Variants in NRCAM observed in about 807,000 individuals in gnomAD.
NRCAM encodes the protein neuronal cell adhesion molecule.
Under a neutral mutation model 156.5 loss-of-function variants are expected in NRCAM, and 83 were observed. That is an observed-to-expected ratio of 0.53 (90% confidence interval 0.44 to 0.64). The LOEUF (loss-of-function observed/expected upper bound fraction) is 0.64, where lower values mean the gene tolerates loss of function less well. Among genes scored for constraint, NRCAM ranks in the 30% least tolerant of loss-of-function variants. NRCAM has a pLI of 0.00. For missense variants in NRCAM, 1,417 were observed against 1,597.3 expected (o/e 0.89, Z 1.92); for synonymous variants, 538 against 563.9 (o/e 0.95, Z 0.65).
At chr7:108,335,722 TA>T (rs1278801490) in intron 2 of NRCAM, among the ~76,000 whole-genome samples, 3 of 152,186 alleles carry the variant, frequency 2.0e-5, no homozygotes, top group African/African-American at 7.2e-5. Context: ...ACAGAAATCT[TA>T]CTGTTGCTAT....
chr7:108,308,290 T>C (rs2098748573), intron 3 of NRCAM, among the ~76,000 whole-genome samples: 1 of 152,222 alleles, frequency 6.6e-6, no homozygotes, highest in Admixed American at 6.5e-5. Context: ...GTCACGAATC[T>C]AGACTTATTT....
intron 2 of NRCAM, among the ~76,000 whole-genome samples, chr7:108,395,972 G>A (rs561666709): frequency 9.2e-5 from 14 of 152,206 alleles, no homozygotes; most frequent in Admixed American, 4.6e-4. Context: ...CTGCTCATAC[G>A]GTTGTTCTGC....
intron 1 of NRCAM, among the ~76,000 whole-genome samples, chr7:108,404,076 C>T (rs1011167901): frequency 1.3e-5 from 2 of 152,136 alleles, no homozygotes; most frequent in African/African-American, 4.8e-5. Context: ...AGCAATTTAA[C>T]CCAGCCTCAC....
chr7:108,431,823 C>T (rs570881371), intron 1 of NRCAM, among the ~76,000 whole-genome samples: 124 of 152,208 alleles, frequency 8.1e-4, no homozygotes, highest in Non-Finnish European at 1.4e-3. Context: ...TTTTTAAAAG[C>T]ATAACCCAAA....
At chr7:108,442,657 AG>A (rs1839944604) in intron 1 of NRCAM, among the ~76,000 whole-genome samples, 1 of 152,234 alleles carries the variant, frequency 6.6e-6, no homozygotes, top group African/African-American at 2.4e-5. Context: ...GTCCCATGCT[AG>A]TACATCTGCA....
chr7:108,288,849 T>G (rs2098191838), intron 3 of NRCAM, among the ~76,000 whole-genome samples: 3 of 152,186 alleles, frequency 2.0e-5, no homozygotes, highest in Non-Finnish European at 4.4e-5. Flanking sequence ...GAAGCAGATG[T>G]AATTTTCCTT....
At chr7:108,170,123 A>G (rs1321462007) in intron 28 of NRCAM, among the ~76,000 whole-genome samples, 1 of 152,168 alleles carries the variant, frequency 6.6e-6, no homozygotes, top group Non-Finnish European at 1.5e-5. Flanking sequence ...TAGTCAAGAC[A>G]TGAAAACAAC....
intron 3 of NRCAM, among the ~76,000 whole-genome samples, chr7:108,267,014 T>G (rs781259070): frequency 6.6e-6 from 1 of 152,136 alleles, no homozygotes; most frequent in Non-Finnish European, 1.5e-5. Context: ...AGAGTATCAG[T>G]AATTTCTTGA....
intron 8 of NRCAM, among the ~76,000 whole-genome samples, chr7:108,230,393 G>A (rs1010949260): frequency 1.3e-5 from 2 of 152,022 alleles, no homozygotes; most frequent in Non-Finnish European, 2.9e-5. Context: ...TCTTTTGCCC[G>A]CTATATTCTC....
rs527718595 is a variant in NRCAM at position 108,333,009 on chromosome 7, C to A, written c.-173-20278G>T. On this transcript the variant is annotated intron_variant, in intron 2 of 32. Transcript: ENST00000379028. ...TTGTAGATCAAAAAAGGTCAAATACCAGCAATTTTATATGATTCAACCTAA... is the reference window on the plus strand; with the variant it reads ...TTGTAGATCAAAAAAGGTCAAATACAAGCAATTTTATATGATTCAACCTAA... 1.6e-3 allele frequency among the ~76,000 whole-genome samples: 238 copies of A among 152,040 alleles called. 2 individuals are homozygous for A. The highest frequency in any genetic ancestry group is 2.4e-3 in the Non-Finnish European group (164 of 67,984).
intron 2 of NRCAM, among the ~76,000 whole-genome samples, chr7:108,314,713 G>T (rs111231338): frequency 0.01 from 1,535 of 152,202 alleles, 32 homozygotes; most frequent in African/African-American, 0.035. Context: ...TATGGATTGG[G>T]ACACATTTTT....
At chr7:108,220,452 A>G (rs975481226) in intron 11 of NRCAM, among the ~76,000 whole-genome samples, 2 of 152,212 alleles carry the variant, frequency 1.3e-5, no homozygotes, top group African/African-American at 4.8e-5. Flanking sequence ...AAACTATACT[A>G]TAAGGCCATG....
chr7:108,422,250 C>T (rs1810964417), intron 1 of NRCAM, among the ~76,000 whole-genome samples: 1 of 152,140 alleles, frequency 6.6e-6, no homozygotes, highest in African/African-American at 2.4e-5. Flanking sequence ...GCTTAAAATG[C>T]CATGTTATAG....
At chr7:108,408,622 G>T (rs897311000) in intron 1 of NRCAM, among the ~76,000 whole-genome samples, 2 of 152,196 alleles carry the variant, frequency 1.3e-5, no homozygotes, top group African/African-American at 2.4e-5. Flanking sequence ...AATAGCCAAA[G>T]CCTCTTATTA....
In NRCAM at chr7:108,207,524, T is replaced by C; in HGVS notation, c.1207+4A>G. 6.2e-7 allele frequency: 1 copy of C among 1,613,728 alleles called. No individual in the cohort carries two copies. The highest frequency in any genetic ancestry group is 8.5e-7 in the Non-Finnish European group (1 of 1,179,870). ...TGCAATTAGAACCACTCAAGGCAAC[T>C]TACTTTCTATTGGGACTCCATTTGT... On this transcript the variant is annotated splice_donor_region_variant and intron_variant, in intron 13 of 32. Transcript: ENST00000379028.
intron 6 of NRCAM, among the ~76,000 whole-genome samples, chr7:108,233,363 C>CAG (rs2094542733): frequency 6.6e-6 from 1 of 152,154 alleles, no homozygotes. Context: ...ACAACCAGGG[C>CAG]AGGAACTGGT....
At chr7:108,267,754 G>T (rs2097162846) in intron 3 of NRCAM, among the ~76,000 whole-genome samples, 1 of 152,214 alleles carries the variant, frequency 6.6e-6, no homozygotes, top group African/African-American at 2.4e-5. Context: ...TTCCAGTCAA[G>T]TGACCCTCTT....
At chr7:108,291,799 A>C (rs548167024) in intron 3 of NRCAM, among the ~76,000 whole-genome samples, 1 of 152,284 alleles carries the variant, frequency 6.6e-6, no homozygotes, top group African/African-American at 2.4e-5. Context: ...TCTTAAACTA[A>C]AACATTTAAA....
At chr7:108,152,421 GGAGAGA>G (rs372928603) in intron 32 of NRCAM, among the ~76,000 whole-genome samples, 1 of 151,074 alleles carries the variant, frequency 6.6e-6, no homozygotes, top group African/African-American at 2.4e-5. Flanking sequence ...CTGGGGGGAG[GGAGAGA>G]GAGAGAGAGA....
Sources: allele counts gnomAD v4.1 joint callset (sites outside exome capture counted in the v4.1 genomes callset), GRCh38; gene constraint gnomAD v4.1.1; transcripts MANE v1.5; gene names NCBI Gene and HGNC (gene_info 2026-07-23, HGNC 2026-07-21).